Variants in ECT2L observed in about 807,000 individuals in gnomAD.
The protein encoded by ECT2L is epithelial cell transforming 2 like.
Under a neutral mutation model 122.8 loss-of-function variants are expected in ECT2L, and 126 were observed. That is an observed-to-expected ratio of 1.03 (90% CI 0.89 to 1.19). The LOEUF is 1.19. Among genes scored for constraint, ECT2L ranks in the 50% most tolerant of loss-of-function variants. The pLI is 0.00. For missense variants in ECT2L, 1,012 were observed against 1,064.1 expected, an observed-to-expected ratio of 0.95 and a Z score of 0.68; for synonymous variants, 385 against 381.8, an observed-to-expected ratio of 1.01 and a Z score of -0.10.
chr6:138,882,660 G>A, intron 15 of ECT2L, 64 bp from the exon 16 acceptor site: 1 of 1,584,216 alleles, frequency 6.3e-7, no homozygotes, highest in Non-Finnish European at 8.6e-7. Context: ...GATGACAATG[G>A]ATATTTGGGT....
At chr6:138,886,156 A>G (rs1289725659) in intron 18 of ECT2L, among the ~76,000 whole-genome samples, 1 of 152,206 alleles carries the variant, frequency 6.6e-6, no homozygotes. Flanking sequence ...TGTTTCTGAA[A>G]GTACTTTCAA....
At chr6:138,880,620 C>T (rs1778612676) in intron 14 of ECT2L, among the ~76,000 whole-genome samples, 1 of 152,210 alleles carries the variant, frequency 6.6e-6, no homozygotes, top group Admixed American at 6.5e-5. Flanking sequence ...GAAGACAGGA[C>T]TCTGTCTTGT....
At chr6:138,843,897 C>T (rs908964959) in intron 6 of ECT2L, among the ~76,000 whole-genome samples, 1 of 152,114 alleles carries the variant, frequency 6.6e-6, no homozygotes, top group Non-Finnish European at 1.5e-5. Context: ...TCCATGTTGG[C>T]CAGGCTGGTC....
rs985866772 is a variant in ECT2L at position 138,883,126 on chromosome 6, A to G, written c.2028+255A>G. 2.6e-5 allele frequency among the ~76,000 whole-genome samples: 4 copies of G among 152,222 alleles called. 1 individual carries two copies. In the South Asian group the frequency reaches 8.3e-4, roughly 31 times the overall value. ...AAATGGCCAGGCTTTCACCTGCCCCAGATACCCTCAGCTTACAGGAAAATG... is the reference window on the plus strand; with the variant it reads ...AAATGGCCAGGCTTTCACCTGCCCCGGATACCCTCAGCTTACAGGAAAATG... On this transcript the variant is annotated intron_variant, in intron 16 of 21. Coordinates refer to ENST00000541398, the MANE Select transcript of ECT2L (RefSeq NM_001077706.3).
intron 20 of ECT2L, among the ~76,000 whole-genome samples, chr6:138,895,858 TAACA>T (rs1779190095): frequency 6.6e-6 from 1 of 151,970 alleles, no homozygotes; most frequent in African/African-American, 2.4e-5. Flanking sequence ...TGGCCACAAA[TAACA>T]AACAATAACT....
At chr6:138,820,349 A>G (rs992780688) in intron 4 of ECT2L, among the ~76,000 whole-genome samples, 2 of 152,218 alleles carry the variant, frequency 1.3e-5, no homozygotes, top group African/African-American at 4.8e-5. Context: ...CCATCCTGCT[A>G]GCTGTGGTGA....
chr6:138,827,670 CCT>C (rs1406036868), intron 4 of ECT2L, among the ~76,000 whole-genome samples: 2 of 152,102 alleles, frequency 1.3e-5, no homozygotes, highest in African/African-American at 4.8e-5. Flanking sequence ...AGTCCTCCTG[CCT>C]CTGAGCCTCC....
intron 4 of ECT2L, among the ~76,000 whole-genome samples, chr6:138,815,735 C>G (rs927864268): frequency 5.9e-5 from 9 of 152,154 alleles, no homozygotes; most frequent in African/African-American, 2.2e-4. Flanking sequence ...TTCACTAGAA[C>G]TTGGTGGTGA....
chr6:138,893,979 A>G (rs952241488), intron 20 of ECT2L, among the ~76,000 whole-genome samples: 1 of 152,214 alleles, frequency 6.6e-6, no homozygotes, highest in African/African-American at 2.4e-5. Flanking sequence ...AAGGATCGGA[A>G]AAAAGCTGTT....
chr6:138,847,354 ACTTTTTTTTTTTTTTTTTT>A (rs1777261183), intron 8 of ECT2L, among the ~76,000 whole-genome samples: 1 of 111,016 alleles, frequency 9.0e-6, no homozygotes, highest in African/African-American at 4.0e-5. Context: ...AAAGGCCCAA[ACTTTTTTTTTTTTTTTTTT>A]TTTTTTTTTT....
At chr6:138,800,196 C>A (rs376083708) in intron 1 of ECT2L, among the ~76,000 whole-genome samples, 1 of 152,232 alleles carries the variant, frequency 6.6e-6, no homozygotes, top group Admixed American at 6.5e-5. Flanking sequence ...ATCACCCACA[C>A]TGGAGTTTCA....
intron 10 of ECT2L, among the ~76,000 whole-genome samples, chr6:138,856,495 G>A (rs1777616518): frequency 6.6e-6 from 1 of 152,186 alleles, no homozygotes; most frequent in Non-Finnish European, 1.5e-5. Flanking sequence ...TTACAGGCAT[G>A]AGCCACCACA....
At chr6:138,847,657 G>A (rs983639983) in intron 8 of ECT2L, among the ~76,000 whole-genome samples, 9 of 150,972 alleles carry the variant, frequency 6.0e-5, no homozygotes, top group African/African-American at 2.0e-4. Flanking sequence ...GATTACAGGC[G>A]TAAGCCACCG....
Position 138,838,448 on chromosome 6 carries a change from T to G in ECT2L, c.276T>G (p.Phe92Leu). The G allele has an allele frequency of 6.2e-7, 1 of 1,614,052 alleles. No individual in the cohort carries two copies. Among genetic ancestry groups the G allele is most frequent in the African/African-American group, 1.3e-5 (1 of 75,038 alleles). ...TCATTTCTCTATATATCTTTTCCTT[T>G]TTGAGTCCGAAAGATTTGTGTGCCG... ...PRFISLYIFS[F>L]LSPKDLCAAA... The change falls in exon 5 of 22, where the codon TTT becomes TTG. Residue 92 changes from phenylalanine to leucine, a missense_variant. Coordinates refer to ENST00000541398, the MANE Select transcript of ECT2L (RefSeq NM_001077706.3).
intron 1 of ECT2L, among the ~76,000 whole-genome samples, chr6:138,802,672 A>G (rs1775583264): frequency 6.6e-6 from 1 of 152,216 alleles, no homozygotes; most frequent in African/African-American, 2.4e-5. Context: ...AGGAATGTAA[A>G]AAGCTAGAAT....
At chr6:138,853,940 T>C in intron 9 of ECT2L, 86 bp from the exon 10 acceptor site, 1 of 1,470,590 alleles carries the variant, frequency 6.8e-7, no homozygotes. Context: ...ATTTTGATTT[T>C]GTGCTTACAT....
At chr6:138,820,422 C>T (rs980620437) in intron 4 of ECT2L, among the ~76,000 whole-genome samples, 9 of 152,098 alleles carry the variant, frequency 5.9e-5, no homozygotes, top group African/African-American at 2.2e-4. Flanking sequence ...GGGACAAGCC[C>T]GAGGACCAAA....
chr6:138,840,590 T>C (rs1777005223), intron 5 of ECT2L, among the ~76,000 whole-genome samples: 1 of 34,456 alleles, frequency 2.9e-5, no homozygotes, highest in Admixed American at 2.4e-4. Flanking sequence ...GGCAGCTAAT[T>C]TTTTTTTATA....
intron 6 of ECT2L, among the ~76,000 whole-genome samples, chr6:138,844,198 C>T (rs890970009): frequency 1.3e-5 from 2 of 152,230 alleles, no homozygotes; most frequent in African/African-American, 4.8e-5. Flanking sequence ...TGCTTGTTCT[C>T]TGAGCTTTGT....
Sources: allele counts gnomAD v4.1 joint callset (sites outside exome capture counted in the v4.1 genomes callset), GRCh38; gene constraint gnomAD v4.1.1; transcripts MANE v1.5; gene names NCBI Gene and HGNC (gene_info 2026-07-23, HGNC 2026-07-21).